RPN2: variants seen among roughly 807,000 people sequenced by gnomAD.
RPN2 encodes the protein dolichyl-diphosphooligosaccharide--protein glycosyltransferase subunit 2.
Under a neutral mutation model 71.4 loss-of-function variants are expected in RPN2, and 29 were observed. The observed-to-expected ratio is 0.41, with a 90% CI of 0.30 to 0.55. RPN2 has a LOEUF of 0.55. Ranked by LOEUF, RPN2 falls within the 20% of genes least tolerant of loss-of-function variation. RPN2 has a pLI of 0.35. For missense variants in RPN2, 726 were observed against 774.1 expected (o/e 0.94, Z 0.74); for synonymous variants, 308 against 305.0 (o/e 1.01, Z -0.10).
chr20:37,196,484 T>C (rs6073641), intron 2 of RPN2, among the ~76,000 whole-genome samples: 117,001 of 151,910 alleles, frequency 0.77, 45,542 homozygotes, highest in Middle Eastern at 0.89. Flanking sequence ...CTGCTCGCCT[T>C]GACCTCCCAA....
chr20:37,223,494 A>G (rs933486211), intron 9 of RPN2, among the ~76,000 whole-genome samples: 1 of 152,240 alleles, frequency 6.6e-6, no homozygotes, highest in Non-Finnish European at 1.5e-5. Flanking sequence ...TTCACATGGT[A>G]AGCACTCAAT....
rs748866732 is a variant in RPN2, at chr20:37,203,935, T to C, written c.530T>C (p.Leu177Pro). 1 of 1,614,026 alleles carries C rather than the reference T, an allele frequency of 6.2e-7. No individual in the cohort carries two copies. The highest frequency in any genetic ancestry group is 1.1e-5 in the South Asian group (1 of 91,080). The stretch of plus-strand genomic sequence containing the variant: ...TCCCACCTGTCCCAGCAGGCTGACC[T>C]GAGGAGCATCGTGGAGGAGATTGAG... The part of the protein sequence containing the change: ...TASHLSQQAD[L>P]RSIVEEIEDL... The change falls in exon 5 of 17, where the codon CTG (leucine) becomes CCG (proline). Residue 177 changes from leucine (L) to proline (P), a missense_variant. Leu to Pro is a moderately conservative substitution (Grantham distance 98). Coordinates refer to ENST00000237530, the MANE Select transcript of RPN2 (RefSeq NM_002951.5).
intron 4 of RPN2, 55 bp downstream of exon 4, chr20:37,199,280 A>C: frequency 6.3e-7 from 1 of 1,593,930 alleles, no homozygotes; most frequent in Non-Finnish European, 8.5e-7. Context: ...GTCCTATCCG[A>C]AGAGGGCTCA....
chr20:37,238,392 C>G, intron 16 of RPN2: 1 of 1,606,084 alleles, frequency 6.2e-7, no homozygotes, highest in Non-Finnish European at 8.5e-7. Flanking sequence ...AACCCTCTTT[C>G]CTTTGGCAGG....
At chr20:37,203,828 G>A in intron 4 of RPN2, 57 bp from the exon 5 acceptor site, 2 of 1,175,016 alleles carry the variant, frequency 1.7e-6, no homozygotes, top group Non-Finnish European at 2.6e-6. Flanking sequence ...TACGGGAAGG[G>A]GTGAGTGGAT....
chr20:37,187,636 T>A (rs1446257108), intron 2 of RPN2, among the ~76,000 whole-genome samples: 2 of 152,060 alleles, frequency 1.3e-5, no homozygotes, highest in East Asian at 3.8e-4. Context: ...TTATATTTTA[T>A]TTTGTTTTAT....
chr20:37,203,854 A>G (rs753977199), intron 4 of RPN2, 31 bp from the exon 5 acceptor site: 3 of 1,525,152 alleles, frequency 2.0e-6, no homozygotes, highest in Non-Finnish European at 2.7e-6. Context: ...AAGACTTGCC[A>G]TTCATTGGGG....
Position 37,233,883 on chromosome 20 carries a change from G to A in RPN2, c.1678-137G>A, listed in dbSNP as rs905720612. 2.0e-5 allele frequency: 19 copies of A among 970,318 alleles called. No homozygotes were observed. In the African/African-American group the frequency reaches 3.1e-4, roughly 16 times the overall value. 60.1% of individuals were successfully genotyped at this position (970,318 alleles called of 1,614,324 possible). A position where few individuals can be genotyped will look rare whatever the true frequency, so the allele number is the denominator to read the frequency against. On this transcript the variant is annotated intron_variant, in intron 14 of 16. Transcript: ENST00000237530. ...GCTTATAATAGGGTGGTTGTCACTTGGAAGAATTGCCTGTCCTTCTAGGAT... is the reference window on the plus strand; with the variant it reads ...GCTTATAATAGGGTGGTTGTCACTTAGAAGAATTGCCTGTCCTTCTAGGAT...
At chr20:37,194,904 T>G (rs1274530133) in intron 2 of RPN2, among the ~76,000 whole-genome samples, 1 of 152,088 alleles carries the variant, frequency 6.6e-6, no homozygotes, top group African/African-American at 2.4e-5. Context: ...GAGCTGTTTA[T>G]GGAGGAAATA....
In RPN2 at chr20:37,206,919, C is replaced by T. The variant is rs117009229; in HGVS notation, c.691-354C>T. Among the ~76,000 whole-genome samples the T allele has an allele frequency of 4.0e-3, 606 of 152,172 alleles. 1 individual carries two copies. The highest frequency in any genetic ancestry group is 6.9e-3 in the Non-Finnish European group (471 of 68,008). On this transcript the variant is annotated intron_variant, in intron 6 of 16. Transcript: ENST00000237530. ...AGTTGGGGTTTTTCTCTATGTTAGT[C>T]AGGCTGGTCTCGAACTCCTGACCTC...
chr20:37,210,324 GATT>G (rs1406950549), intron 8 of RPN2, among the ~76,000 whole-genome samples, 159 bp downstream of exon 8: 1 of 152,098 alleles, frequency 6.6e-6, no homozygotes, highest in African/African-American at 2.4e-5. Context: ...TTAAAATGAA[GATT>G]ATTTGGTTTT....
chr20:37,196,775 A>C (rs1458169907), intron 2 of RPN2, among the ~76,000 whole-genome samples: 6 of 152,172 alleles, frequency 3.9e-5, no homozygotes, highest in African/African-American at 1.2e-4. Context: ...TTGATTTGAT[A>C]CTGTTTCTTG....
In RPN2 at chr20:37,184,328, C is replaced by T; in HGVS notation, c.162C>T (p.Ser54=). 1 of 1,614,214 alleles carries T rather than the reference C, an allele frequency of 6.2e-7. No individual in the cohort carries two copies. The highest frequency in any genetic ancestry group is 1.1e-5 in the South Asian group (1 of 91,088). Residue 54 remains serine, a synonymous_variant, in exon 2 of 17, where the codon TCC becomes TCT. Transcript: ENST00000237530. ...PFTNLESAFY[S]IVGLSSLGAQ... ...CAAATTTGGAATCTGCCTTCTACTC[C>T]ATCGTGGGACTCAGCAGCCTTGGTG...
At chr20:37,188,794 T>C (rs1162240954) in intron 2 of RPN2, among the ~76,000 whole-genome samples, 1 of 151,754 alleles carries the variant, frequency 6.6e-6, no homozygotes, top group East Asian at 1.9e-4. Flanking sequence ...ATTTTTTTTT[T>C]TTTTAATATT....
At position 37,196,936 on chromosome 20, in the gene RPN2, G is replaced by C. The variant is rs2067268886; in HGVS notation, c.208-1461G>C. 2.0e-5 allele frequency among the ~76,000 whole-genome samples: 3 copies of C among 152,094 alleles called. No homozygotes were observed. In the South Asian group the frequency reaches 6.2e-4, roughly 32 times the overall value. ...TAAGTGCAGTGTGGTACGTGCTTTG[G>C]GGGAGCACTTGAGAGGGTGGATACC... On this transcript the variant is annotated intron_variant, in intron 2 of 16. Transcript: ENST00000237530.
At chr20:37,179,488 A>C (rs1233219742) in intron 1 of RPN2, 119 bp downstream of exon 1, 1 of 1,315,360 alleles carries the variant, frequency 7.6e-7, no homozygotes, top group African/African-American at 1.6e-5. Flanking sequence ...CATGGGCACA[A>C]GCTCTGGCTG....
At chr20:37,236,057 T>G (rs2068377872) in intron 15 of RPN2, among the ~76,000 whole-genome samples, 1 of 151,972 alleles carries the variant, frequency 6.6e-6, no homozygotes. Flanking sequence ...AGCAGGAACA[T>G]GGCACAGGTC....
At chr20:37,235,830 A>G (rs1381346691) in intron 15 of RPN2, among the ~76,000 whole-genome samples, 1 of 151,588 alleles carries the variant, frequency 6.6e-6, no homozygotes, top group African/African-American at 2.4e-5. Context: ...TTATATTTTT[A>G]GTAGAGAGAG....
chr20:37,237,808 C>A (rs114036400), intron 16 of RPN2, among the ~76,000 whole-genome samples: 1 of 152,150 alleles, frequency 6.6e-6, no homozygotes, highest in African/African-American at 2.4e-5. Flanking sequence ...AAAGCAGAAC[C>A]CTGTTCCCTT....
Sources: allele counts gnomAD v4.1 joint callset (sites outside exome capture counted in the v4.1 genomes callset), GRCh38; gene constraint gnomAD v4.1.1; transcripts MANE v1.5; gene names NCBI Gene and HGNC (gene_info 2026-07-23, HGNC 2026-07-21).